The following CEP63 variants were observed in gnomAD, a reference collection of about 807,000 sequenced individuals.
CEP63 encodes centrosomal protein 63.
Under a neutral mutation model 89.1 loss-of-function variants are expected in CEP63, and 84 were observed. That is an observed-to-expected ratio of 0.94 (90% CI 0.79 to 1.13). CEP63 has a LOEUF of 1.13. Ranked by LOEUF, CEP63 falls within the 50% of genes most tolerant of loss-of-function variation. CEP63 has a pLI of 0.00. For missense variants in CEP63, 838 were observed against 813.3 expected (o/e 1.03, Z -0.37); for synonymous variants, 267 against 272.5 (o/e 0.98, Z 0.20).
the CEP63 span, among the ~76,000 whole-genome samples, chr3:134,730,962 G>C: frequency 2.0e-5 from 3 of 151,908 alleles, no homozygotes; most frequent in African/African-American, 7.3e-5. Context: ...ATATTTGCCA[G>C]GTAAAATAAC....
rs1953646737 is a variant in CEP63, at chr3:134,547,382, A to G, written c.977A>G (p.Gln326Arg). 6.2e-7 allele frequency: 1 copy of G among 1,613,740 alleles called. No individual in the cohort carries two copies. Among genetic ancestry groups the G allele is most frequent in the Non-Finnish European group, 8.5e-7 (1 of 1,179,720 alleles). The change falls in exon 9 of 15, where the codon CAG becomes CGG. Residue 326 changes from glutamine (Q) to arginine (R), a missense_variant. Physicochemically the swap from Gln to Arg is conservative, Grantham distance 43. Coordinates refer to ENST00000675561, the MANE Select transcript of CEP63 (RefSeq NM_001353108.3). ...LAEKKYTSQG[Q>R]GDLDSVLSQL... ...GAAAAGAAGTACACCTCTCAAGGGC[A>G]GGGGGACTTAGACAGTGTGCTCTCC...
At chr3:134,708,903 G>A in the CEP63 span, among the ~76,000 whole-genome samples, 78,543 of 151,848 alleles carry the variant, frequency 0.52, 22,973 homozygotes, top group East Asian at 0.77. Flanking sequence ...GGCTAGTGGG[G>A]GTGGGGGAAG....
the CEP63 span, among the ~76,000 whole-genome samples, chr3:134,685,876 A>G: frequency 1.3e-5 from 2 of 152,210 alleles, no homozygotes; most frequent in Non-Finnish European, 2.9e-5. Flanking sequence ...GCCCTCCTGT[A>G]TAAAGTGGGG....
At chr3:134,507,433 G>T in intron 3 of CEP63, 147 bp downstream of exon 3, 1 of 629,828 alleles carries the variant, frequency 1.6e-6, no homozygotes, top group Admixed American at 3.2e-5. Flanking sequence ...TATTTTAGAA[G>T]AAAAATTCAT....
At chr3:134,515,798 T>TTTA (rs1946069956) in intron 3 of CEP63, among the ~76,000 whole-genome samples, 1 of 152,148 alleles carries the variant, frequency 6.6e-6, no homozygotes. Flanking sequence ...CTAACACTAA[T>TTTA]GCTGGCTGAT....
intron 7 of CEP63, 125 bp from the exon 8 acceptor site, chr3:134,546,024 C>T: frequency 9.4e-7 from 1 of 1,069,476 alleles, no homozygotes; most frequent in Non-Finnish European, 1.4e-6. Flanking sequence ...TATAGTCTGA[C>T]TTCCTGGCTT....
the CEP63 span, among the ~76,000 whole-genome samples, chr3:134,624,360 A>C: frequency 6.6e-5 from 10 of 152,188 alleles, no homozygotes; most frequent in South Asian, 2.1e-4. Flanking sequence ...TTCTTGATCC[A>C]TGCACTCACC....
At chr3:134,510,434 C>T (rs1279074435) in intron 3 of CEP63, 4 of 260,740 alleles carry the variant, frequency 1.5e-5, no homozygotes, top group Admixed American at 5.7e-5. Context: ...TGGAGAGAAC[C>T]GGAGTTCACC....
At chr3:134,668,974 G>A in the CEP63 span, among the ~76,000 whole-genome samples, 1 of 152,000 alleles carries the variant, frequency 6.6e-6, no homozygotes, top group Non-Finnish European at 1.5e-5. Flanking sequence ...GACTGGTGCG[G>A]TCTAAGGAGC....
At chr3:134,649,738 C>T in the CEP63 span, among the ~76,000 whole-genome samples, 5 of 152,216 alleles carry the variant, frequency 3.3e-5, no homozygotes, top group Admixed American at 3.3e-4. Context: ...GCTCTGGAGG[C>T]AGCTCCAGCC....
chr3:134,659,212 T>A, the CEP63 span, among the ~76,000 whole-genome samples: 2 of 152,332 alleles, frequency 1.3e-5, no homozygotes, highest in African/African-American at 4.8e-5. Flanking sequence ...CAGTGGCACA[T>A]GAGAGCGCAT....
chr3:134,776,440 A>G, the CEP63 span, among the ~76,000 whole-genome samples: 1 of 152,156 alleles, frequency 6.6e-6, no homozygotes, highest in African/African-American at 2.4e-5. Flanking sequence ...GATCTGGTGT[A>G]TATTACACTG....
the CEP63 span, among the ~76,000 whole-genome samples, chr3:134,773,149 G>C: frequency 6.6e-6 from 1 of 152,160 alleles, no homozygotes; most frequent in African/African-American, 2.4e-5. Flanking sequence ...GCCAGGTGGA[G>C]AATAATGGCA....
the CEP63 span, among the ~76,000 whole-genome samples, chr3:134,676,284 G>C: frequency 1.3e-5 from 2 of 152,116 alleles, no homozygotes; most frequent in South Asian, 4.1e-4. Flanking sequence ...CCACAACATG[G>C]ATGAACCTTG....
rs1037633907 is a variant in CEP63 at position 134,564,376 on chromosome 3, C to T, written c.*2841C>T. Reference sequence around the variant, plus strand: ...CTCCCCCTTTACTTGGCTACTTTATCTGGCTTGGCAAAGCTTTCCCATATC... The same window carrying T: ...CTCCCCCTTTACTTGGCTACTTTATTTGGCTTGGCAAAGCTTTCCCATATC... On this transcript the variant is annotated 3_prime_UTR_variant, in exon 15 of 15. Coordinates refer to ENST00000675561, the MANE Select transcript of CEP63 (RefSeq NM_001353108.3). 11 of 985,394 alleles carry T rather than the reference C, an allele frequency of 1.1e-5. No homozygotes were observed. The African/African-American group carries it at 1.9e-4, about 17-fold the overall frequency. 61.0% of individuals were successfully genotyped at this position (985,394 alleles called of 1,614,324 possible).
the CEP63 span, among the ~76,000 whole-genome samples, chr3:134,665,702 C>CACACAGAGAGAG: frequency 1.1e-3 from 110 of 102,374 alleles, no homozygotes; most frequent in African/African-American, 4.1e-3. Context: ...CACACACACA[C>CACACAGAGAGAG]AGAGAGAGAG....
chr3:134,497,173 C>T (rs546815319), intron 2 of CEP63, among the ~76,000 whole-genome samples: 1 of 152,198 alleles, frequency 6.6e-6, no homozygotes, highest in South Asian at 2.1e-4. Flanking sequence ...TGTTTAGTCC[C>T]TTGTTGAATG....
the CEP63 span, chr3:134,647,348 C>T: frequency 1.9e-6 from 2 of 1,053,156 alleles, no homozygotes; most frequent in East Asian, 5.2e-5. Context: ...ATGTCTAGGG[C>T]TAGTCTTCAA....
At chr3:134,618,708 G>A in the CEP63 span, among the ~76,000 whole-genome samples, 1 of 152,202 alleles carries the variant, frequency 6.6e-6, no homozygotes, top group African/African-American at 2.4e-5. Context: ...TGATTCAGCT[G>A]TCCAACTGAC....
Sources: allele counts gnomAD v4.1 joint callset (sites outside exome capture counted in the v4.1 genomes callset), GRCh38; gene constraint gnomAD v4.1.1; transcripts MANE v1.5; gene names NCBI Gene and HGNC (gene_info 2026-07-23, HGNC 2026-07-21).